CSMD1: variants seen among roughly 807,000 people sequenced by gnomAD.
CSMD1 encodes CUB and Sushi multiple domains 1.
A neutral mutation model predicts 417.5 loss-of-function variants in CSMD1; 213 were observed. The ratio of observed to expected loss-of-function variants is 0.51; its 90% CI spans 0.46 to 0.57. The LOEUF is 0.57. Among genes scored for constraint, CSMD1 ranks in the 20% least tolerant of loss-of-function variants. The probability of loss-of-function intolerance (pLI) is 0.00; values close to 1 mark genes in which losing one functional copy is unlikely to be tolerated. For synonymous variants in CSMD1, 2,862 were observed against 1,736.8 expected (o/e 1.65, Z -16.11); for missense variants, 6,923 against 4,529.7 (o/e 1.53, Z -15.17).
intron 1 of CSMD1, among the ~76,000 whole-genome samples, chr8:4,969,565 A>G (rs747275442): frequency 6.6e-6 from 1 of 151,792 alleles, no homozygotes; most frequent in Non-Finnish European, 1.5e-5. Context: ...TTATCTCACA[A>G]CAGCTCAGTT....
chr8:4,295,086 A>T (rs1301616663), intron 3 of CSMD1, among the ~76,000 whole-genome samples: 2 of 147,610 alleles, frequency 1.4e-5, no homozygotes, highest in African/African-American at 4.9e-5. Context: ...ATATAATCTT[A>T]AGATTACACA....
rs192555581 is a variant in CSMD1 at position 4,799,446 on chromosome 8, A to T, written c.86-161888T>A. 9.2e-3 allele frequency among the ~76,000 whole-genome samples: 1,400 copies of T among 151,872 alleles called. 17 individuals are homozygous for T. The highest frequency in any genetic ancestry group is 0.032 in the African/African-American group (1,309 of 41,402). ...ACCCCCTCTCTACTAAAAATACAAAAATTAGCCAGGCGCGTAATGGTGTGT... is the reference window on the plus strand; with the variant it reads ...ACCCCCTCTCTACTAAAAATACAAATATTAGCCAGGCGCGTAATGGTGTGT... On this transcript the variant is annotated intron_variant, in intron 1 of 69. Coordinates refer to ENST00000635120, the MANE Select transcript of CSMD1 (RefSeq NM_033225.6).
chr8:4,676,441 G>C (rs1014688960), intron 1 of CSMD1, among the ~76,000 whole-genome samples: 3 of 152,048 alleles, frequency 2.0e-5, no homozygotes, highest in Admixed American at 6.6e-5. Flanking sequence ...GCAGCTGCTG[G>C]AGTATGTCTT....
At chr8:4,412,051 G>A (rs1322817269) in intron 3 of CSMD1, among the ~76,000 whole-genome samples, 1 of 151,652 alleles carries the variant, frequency 6.6e-6, no homozygotes, top group Non-Finnish European at 1.5e-5. Context: ...ATATCTCAAT[G>A]TGCCTCTGAT....
At chr8:3,111,539 A>C (rs1322226929) in intron 42 of CSMD1, among the ~76,000 whole-genome samples, 1 of 152,090 alleles carries the variant, frequency 6.6e-6, no homozygotes, top group Non-Finnish European at 1.5e-5. Flanking sequence ...CATCTCTAAA[A>C]TGGGACCATA....
At chr8:4,715,075 T>C (rs1808565325) in intron 1 of CSMD1, among the ~76,000 whole-genome samples, 1 of 152,186 alleles carries the variant, frequency 6.6e-6, no homozygotes, top group Non-Finnish European at 1.5e-5. Flanking sequence ...TCCAGATAAT[T>C]ATCCAAAAAC....
intron 3 of CSMD1, among the ~76,000 whole-genome samples, chr8:4,075,473 T>C (rs1216591766): frequency 1.3e-5 from 2 of 152,310 alleles, no homozygotes; most frequent in East Asian, 3.9e-4. Flanking sequence ...AATCTCTTGT[T>C]ACAGGTAAAA....
At chr8:4,156,802 T>C (rs1413239329) in intron 3 of CSMD1, among the ~76,000 whole-genome samples, 2 of 152,116 alleles carry the variant, frequency 1.3e-5, no homozygotes, top group South Asian at 2.1e-4. Context: ...AAATTACAGA[T>C]CCCAGCAGCG....
At chr8:4,255,861 T>A (rs929430754) in intron 3 of CSMD1, among the ~76,000 whole-genome samples, 1 of 152,190 alleles carries the variant, frequency 6.6e-6, no homozygotes, top group Non-Finnish European at 1.5e-5. Context: ...CTTCACAGAC[T>A]TTCCTTTCTA....
intron 3 of CSMD1, among the ~76,000 whole-genome samples, chr8:4,379,600 T>C (rs187013332): frequency 6.6e-6 from 1 of 152,150 alleles, no homozygotes; most frequent in Non-Finnish European, 1.5e-5. Flanking sequence ...AACTGAAAAA[T>C]GTTTGCAAGG....
intron 3 of CSMD1, among the ~76,000 whole-genome samples, chr8:4,309,180 C>A (rs1319988093): frequency 1.3e-5 from 2 of 152,078 alleles, no homozygotes; most frequent in Non-Finnish European, 2.9e-5. Flanking sequence ...TGTGGAGATT[C>A]TGAAGGTTAC....
At chr8:4,634,834 C>T (rs558222294) in intron 2 of CSMD1, among the ~76,000 whole-genome samples, 2 of 152,100 alleles carry the variant, frequency 1.3e-5, no homozygotes, top group African/African-American at 4.8e-5. Context: ...ACACCCATTC[C>T]AATTTCACAT....
intron 1 of CSMD1, among the ~76,000 whole-genome samples, chr8:4,689,689 G>C (rs1186670586): frequency 6.6e-6 from 1 of 152,104 alleles, no homozygotes; most frequent in African/African-American, 2.4e-5. Flanking sequence ...AAATGCCTTT[G>C]CTTTGGTTCC....
intron 1 of CSMD1, among the ~76,000 whole-genome samples, chr8:4,816,682 C>T (rs755014327): frequency 6.6e-6 from 1 of 152,154 alleles, no homozygotes. Flanking sequence ...CATCAGAAAG[C>T]AGGACTTAAA....
intron 10 of CSMD1, among the ~76,000 whole-genome samples, chr8:3,566,477 G>A (rs1585380332): frequency 6.6e-6 from 1 of 151,972 alleles, no homozygotes. Context: ...ACCTCCACCA[G>A]CCCCTCCTGG....
intron 22 of CSMD1, 28 bp from the exon 23 acceptor site, chr8:3,343,478 T>A: frequency 6.3e-7 from 1 of 1,594,054 alleles, no homozygotes; most frequent in South Asian, 1.1e-5. Context: ...CATGAGTCCC[T>A]CTATGCCTTC....
intron 5 of CSMD1, among the ~76,000 whole-genome samples, chr8:3,907,594 C>G (rs1808196425): frequency 1.3e-5 from 2 of 152,114 alleles, no homozygotes. Context: ...AGGTACAGGC[C>G]AACATCATGA....
At chr8:4,751,046 G>C (rs1352168296) in intron 1 of CSMD1, among the ~76,000 whole-genome samples, 1 of 152,136 alleles carries the variant, frequency 6.6e-6, no homozygotes, top group African/African-American at 2.4e-5. Flanking sequence ...CTTTCAGGAG[G>C]TTCCTCACAC....
chr8:3,463,017 C>G (rs1026950112), intron 12 of CSMD1, among the ~76,000 whole-genome samples: 1 of 152,190 alleles, frequency 6.6e-6, no homozygotes, highest in Non-Finnish European at 1.5e-5. Context: ...TGAGAAGGCG[C>G]CATCTATGAA....
Sources: allele counts gnomAD v4.1 joint callset (sites outside exome capture counted in the v4.1 genomes callset), GRCh38; gene constraint gnomAD v4.1.1; transcripts MANE v1.5; gene names NCBI Gene and HGNC (gene_info 2026-07-23, HGNC 2026-07-21).